INPP5F: variants seen among roughly 807,000 people sequenced by gnomAD.
The protein encoded by INPP5F is phosphatidylinositide 4-phosphatase SAC2.
In INPP5F, 97 loss-of-function variants were observed where a neutral mutation model predicts 137.2. The observed-to-expected ratio is 0.71, with a 90% CI of 0.60 to 0.84. INPP5F has a LOEUF of 0.84. Ranked by LOEUF, INPP5F falls within the 40% of genes least tolerant of loss-of-function variation. The pLI is 0.00. For missense variants in INPP5F, 1,271 were observed against 1,371.9 expected (o/e 0.93, Z 1.16); for synonymous variants, 504 against 476.9 (o/e 1.06, Z -0.74).
At position 119,822,457 on chromosome 10, in the gene INPP5F, A is replaced by G. The variant is rs1229235488; in HGVS notation, c.1985A>G (p.Asn662Ser). 6.5e-7 allele frequency: 1 copy of G among 1,531,866 alleles called. No individual in the cohort carries two copies. The highest frequency in any genetic ancestry group is 1.8e-5 in the Admixed American group (1 of 56,348). 94.9% of individuals were successfully genotyped at this position (1,531,866 alleles called of 1,614,324 possible). ...TATGATGATGAAGTTGATAAAGTAA[A>G]CCAGTATCAACGACTAAGTCTAGAA... Reference protein sequence around the residue: ...AYYDDEVDKVNQYQRLSLENL... With the variant: ...AYYDDEVDKVSQYQRLSLENL... The change falls in exon 17 of 20, where the codon AAC (asparagine) becomes AGC (serine). Residue 662 changes from asparagine (N) to serine (S), a missense_variant. By Grantham distance (46) the Asn-to-Ser change is conservative. Coordinates refer to ENST00000650623, the MANE Select transcript of INPP5F (RefSeq NM_014937.4).
chr10:119,826,683 G>A lies in INPP5F; in HGVS notation c.2302G>A (p.Gly768Ser). ...CATTGGTATCAGGTCTCAAAACCAA[G>A]GTTCTTTGGCCCAGGGAAAGAATTT... The part of the protein sequence containing the change: ...DIIGIRSQNQ[G>S]SLAQGKNFLM... The change falls in exon 20 of 20, where the codon GGT becomes AGT. Residue 768 changes from glycine (G) to serine (S), a missense_variant. Physicochemically the swap from Gly to Ser is moderately conservative, Grantham distance 56. Coordinates refer to ENST00000650623, the MANE Select transcript of INPP5F (RefSeq NM_014937.4). 1 of 1,609,014 alleles carries A rather than the reference G, an allele frequency of 6.2e-7. No individual in the cohort carries two copies. The highest frequency in any genetic ancestry group is 8.5e-7 in the Non-Finnish European group (1 of 1,178,772).
At chr10:119,752,934 GTTTCTTTTTTTTTC>G (rs1352246363) in intron 2 of INPP5F, among the ~76,000 whole-genome samples, 1 of 148,238 alleles carries the variant, frequency 6.7e-6, no homozygotes, top group African/African-American at 2.5e-5. Flanking sequence ...TAATTGAGTT[GTTTCTTTTTTTTTC>G]TTTCTTTTTT....
chr10:119,796,841 T>A lies in INPP5F; in HGVS notation c.796T>A (p.Ser266Thr). 1.2e-6 allele frequency: 2 copies of A among 1,613,758 alleles called. No individual in the cohort carries two copies. The highest frequency in any genetic ancestry group is 1.7e-6 in the Non-Finnish European group (2 of 1,179,914). ...CAGCCCAGAGACCCCCCCTCAGGAGTCCACCTGTGTAGATGATATTCACCC... is the reference window on the plus strand; with the variant it reads ...CAGCCCAGAGACCCCCCCTCAGGAGACCACCTGTGTAGATGATATTCACCC... The part of the protein sequence containing the change: ...KSSPETPPQE[S>T]TCVDDIHPRF... The change falls in exon 7 of 20, where the codon TCC becomes ACC. Residue 266 changes from serine to threonine, a missense_variant. Ser to Thr is a moderately conservative substitution (Grantham distance 58). This residue lies in a region of INPP5F where 593 missense variants were observed against 712.4 expected (regional missense o/e 0.83). Coordinates refer to ENST00000650623, the MANE Select transcript of INPP5F (RefSeq NM_014937.4).
intron 8 of INPP5F, among the ~76,000 whole-genome samples, chr10:119,797,881 T>C (rs1222154699): frequency 6.6e-6 from 1 of 152,210 alleles, no homozygotes; most frequent in Non-Finnish European, 1.5e-5. Flanking sequence ...CCTCAGAGAT[T>C]TTAAATTGCT....
In INPP5F at chr10:119,829,107, T is replaced by C. The variant is rs1177148453; in HGVS notation, c.*1327T>C. The stretch of plus-strand genomic sequence containing the variant: ...ATCTTTTTTTTTTACGTGTTAAATC[T>C]TGTGATTATTAAAATAAAGTACCAT... On this transcript the variant is annotated 3_prime_UTR_variant, in exon 20 of 20. Coordinates refer to ENST00000650623, the MANE Select transcript of INPP5F (RefSeq NM_014937.4). 1 of 152,594 alleles carries C rather than the reference T, an allele frequency of 6.6e-6. No individual in the cohort carries two copies. The highest frequency in any genetic ancestry group is 1.5e-5 in the Non-Finnish European group (1 of 68,002). 9.5% of individuals were successfully genotyped at this position (152,594 alleles called of 1,614,324 possible).
At chr10:119,797,108 GAGAA>G (rs1435212114) in intron 7 of INPP5F, among the ~76,000 whole-genome samples, 195 bp downstream of exon 7, 5 of 152,156 alleles carry the variant, frequency 3.3e-5, no homozygotes, top group African/African-American at 1.2e-4. Flanking sequence ...TTAGCAAAAT[GAGAA>G]GGAAAAGGAG....
chr10:119,819,795 G>T (rs189742834), intron 15 of INPP5F: 83 of 324,872 alleles, frequency 2.6e-4, no homozygotes, highest in African/African-American at 1.7e-3. Context: ...AAGCTACAAC[G>T]AGGTGTCTCT....
intron 2 of INPP5F, among the ~76,000 whole-genome samples, chr10:119,775,408 C>T (rs1261232122): frequency 1.3e-5 from 2 of 152,084 alleles, no homozygotes; most frequent in South Asian, 2.1e-4. Context: ...TACAGGGTTG[C>T]TCCACTATGC....
intron 2 of INPP5F, among the ~76,000 whole-genome samples, chr10:119,756,370 T>A (rs1405279357): frequency 6.6e-6 from 1 of 152,052 alleles, no homozygotes; most frequent in Non-Finnish European, 1.5e-5. Flanking sequence ...ACATGGTGAC[T>A]CACGCCTGTA....
At chr10:119,816,355 G>A (rs1013509804) in intron 15 of INPP5F, 1 of 152,238 alleles carries the variant, frequency 6.6e-6, no homozygotes, top group Non-Finnish European at 1.5e-5. Flanking sequence ...TTGGTGGACA[G>A]CGGATGTCAT....
intron 13 of INPP5F, among the ~76,000 whole-genome samples, chr10:119,809,520 T>C (rs763572475): frequency 6.6e-6 from 1 of 152,148 alleles, no homozygotes; most frequent in Non-Finnish European, 1.5e-5. Context: ...TCACCACTTC[T>C]CTAGGGACTT....
Position 119,810,081 on chromosome 10 carries a change from A to G in INPP5F, c.1570-19A>G, listed in dbSNP as rs1214694180. 2 of 1,431,262 alleles carry G rather than the reference A, an allele frequency of 1.4e-6. No homozygotes were observed. The highest frequency in any genetic ancestry group is 2.0e-6 in the Non-Finnish European group (2 of 1,015,220). The allele number at this position is 1,431,262 out of a possible 1,614,324, so 88.7% of individuals were successfully genotyped here. A position where few individuals can be genotyped will look rare whatever the true frequency, so the allele number is the denominator to read the frequency against. On this transcript the variant is annotated intron_variant, in intron 13 of 19. Transcript: ENST00000650623. ...TCTTGTGTTTAAATAAGATGTCAAA[A>G]TCAGTTTTTGTTTGACAGGGTGACT...
At chr10:119,744,996 CTT>C (rs10710948) in intron 1 of INPP5F, among the ~76,000 whole-genome samples, 12 of 151,334 alleles carry the variant, frequency 7.9e-5, no homozygotes, top group African/African-American at 1.7e-4. Flanking sequence ...AGTTTTTTTT[CTT>C]TTTTTTTTTT....
chr10:119,811,859 A>G lies in INPP5F; in HGVS notation c.1790A>G (p.Glu597Gly). The G allele has an allele frequency of 6.2e-7, 1 of 1,614,140 alleles. No homozygotes were observed. Among genetic ancestry groups the G allele is most frequent in the Non-Finnish European group, 8.5e-7 (1 of 1,179,944 alleles). ...AAGGAAAATCAGAGAAGCCACCAGG[A>G]ACTAATTAGCCAGCTCTTACAAAGT... is the stretch of plus-strand genomic sequence containing the variant. The part of the protein sequence containing the change: ...LHKENQRSHQ[E>G]LISQLLQSYM... Residue 597 changes from glutamate (E) to glycine (G), a missense_variant, in exon 15 of 20, where the codon GAA becomes GGA. By Grantham distance (98) the Glu-to-Gly change is moderately conservative (BLOSUM62 -2). Transcript: ENST00000650623.
chr10:119,803,837 A>C (rs1850676697), intron 9 of INPP5F, among the ~76,000 whole-genome samples: 2 of 152,176 alleles, frequency 1.3e-5, no homozygotes, highest in East Asian at 1.9e-4. Context: ...GGCTTTCTTT[A>C]TTTCTTTTTA....
At chr10:119,788,902 A>T (rs551303393) in intron 3 of INPP5F, among the ~76,000 whole-genome samples, 1 of 152,092 alleles carries the variant, frequency 6.6e-6, no homozygotes, top group African/African-American at 2.4e-5. Flanking sequence ...TCCTGGGGGG[A>T]AATTTTTGCT....
chr10:119,797,898 T>C (rs1850440771), intron 8 of INPP5F, among the ~76,000 whole-genome samples: 2 of 152,218 alleles, frequency 1.3e-5, no homozygotes, highest in Non-Finnish European at 2.9e-5. Flanking sequence ...TGCTATCGCT[T>C]TGAAGAGTAC....
chr10:119,754,540 G>A (rs1474366015), intron 2 of INPP5F, among the ~76,000 whole-genome samples: 5 of 151,944 alleles, frequency 3.3e-5, no homozygotes, highest in Non-Finnish European at 7.4e-5. Context: ...GTATAAAAAA[G>A]GAAAAAAGGG....
intron 14 of INPP5F, 116 bp from the exon 15 acceptor site, chr10:119,811,641 T>G (rs1309152664): frequency 5.1e-6 from 4 of 778,272 alleles, no homozygotes; most frequent in East Asian, 2.7e-5. Flanking sequence ...TTACAAAGAT[T>G]TATGCTTGTG....
Sources: allele counts gnomAD v4.1 joint callset (sites outside exome capture counted in the v4.1 genomes callset), GRCh38; gene constraint gnomAD v4.1.1; regional missense constraint gnomAD v4.1.1; transcripts MANE v1.5; gene names NCBI Gene and HGNC (gene_info 2026-07-23, HGNC 2026-07-21).